The following ACOXL variants were observed in gnomAD, a reference collection of about 807,000 sequenced individuals.
The protein encoded by ACOXL is acyl-coenzyme A oxidase-like protein.
In ACOXL, 70 loss-of-function variants were observed where a neutral mutation model predicts 71.9. That is an observed-to-expected ratio of 0.97 (90% confidence interval 0.80 to 1.19). The LOEUF (loss-of-function observed/expected upper bound fraction) is 1.19, where lower values mean the gene tolerates loss of function less well. Ranked by LOEUF, ACOXL falls within the 50% of genes most tolerant of loss-of-function variation. The pLI is 0.00. For missense variants in ACOXL, 703 were observed against 736.3 expected (o/e 0.95, Z 0.52); for synonymous variants, 253 against 281.6 (o/e 0.90, Z 1.02).
chr2:110,883,952 A>G (rs560737190), intron 10 of ACOXL, among the ~76,000 whole-genome samples: 153 of 152,318 alleles, frequency 1.0e-3, no homozygotes, highest in African/African-American at 3.6e-3. Context: ...AAAAGTAGTT[A>G]ATTCATGTGA....
rs1190170969 is a variant in ACOXL at position 110,805,370 on chromosome 2, C to T, written c.728C>T (p.Ala243Val). ...AALTPSRLAVAFQAMGAMKLG... is the reference protein window; with the variant it reads ...AALTPSRLAVVFQAMGAMKLG... ...CTGACCCCTTCGAGATTAGCTGTGGCTTTCCAAGCTATGGGTGCCATGAAG... is the reference window on the plus strand; with the variant it reads ...CTGACCCCTTCGAGATTAGCTGTGGTTTTCCAAGCTATGGGTGCCATGAAG... Residue 243 changes from alanine (A) to valine (V), a missense_variant, in exon 9 of 18, where the codon GCT becomes GTT. By Grantham distance (64) the Ala-to-Val change is moderately conservative (BLOSUM62 0). Coordinates refer to ENST00000439055, the MANE Select transcript of ACOXL (RefSeq NM_001142807.4). The T allele has an allele frequency of 3.7e-6, 6 of 1,614,102 alleles. No homozygotes were observed. The highest frequency in any genetic ancestry group is 3.4e-6 in the Non-Finnish European group (4 of 1,180,042).
chr2:110,799,194 C>A, intron 7 of ACOXL, 94 bp downstream of exon 7: 1 of 1,306,766 alleles, frequency 7.7e-7, no homozygotes, highest in Non-Finnish European at 1.1e-6. Context: ...ATTACCGAAG[C>A]ACTGAGGGTG....
chr2:110,757,908 C>A (rs74854938), intron 1 of ACOXL, among the ~76,000 whole-genome samples: 1 of 151,992 alleles, frequency 6.6e-6, no homozygotes, highest in Non-Finnish European at 1.5e-5. Context: ...AGATCCGATT[C>A]GTCAATTTTT....
intron 17 of ACOXL, among the ~76,000 whole-genome samples, chr2:111,107,029 G>T (rs775487936): frequency 6.6e-6 from 1 of 152,190 alleles, no homozygotes; most frequent in Non-Finnish European, 1.5e-5. Context: ...TGAGGTGGAG[G>T]TACCAGCTCC....
At chr2:110,944,297 A>C (rs1318752463) in intron 12 of ACOXL, among the ~76,000 whole-genome samples, 2 of 150,512 alleles carry the variant, frequency 1.3e-5, no homozygotes, top group East Asian at 1.9e-4. Context: ...CAAGTCATCC[A>C]CCTGCTTCAG....
At position 110,794,132 on chromosome 2, in the gene ACOXL, G is replaced by A. The variant is rs1237145777; in HGVS notation, c.303G>A (p.Ala101=). The part of the protein sequence containing the change: ...AMTERGHGSN[A]RGIQTEATFD... ...CCGAGAGGGGCCATGGGAGCAACGC[G>A]AGAGGGATCCAGACCGAAGCCACCT... Residue 101 remains alanine (A), a synonymous_variant, in exon 5 of 18, where the codon GCG becomes GCA. Coordinates refer to ENST00000439055, the MANE Select transcript of ACOXL (RefSeq NM_001142807.4). 4.3e-6 allele frequency: 7 copies of A among 1,614,162 alleles called. No homozygotes were observed. The highest frequency in any genetic ancestry group is 1.1e-5 in the South Asian group (1 of 91,070).
intron 16 of ACOXL, among the ~76,000 whole-genome samples, chr2:111,084,995 A>G (rs755578152): frequency 6.6e-6 from 1 of 152,198 alleles, no homozygotes; most frequent in Non-Finnish European, 1.5e-5. Context: ...GACATTACAC[A>G]ATGATAAATG....
rs773526610 is a variant in ACOXL, at chr2:110,913,651, AG to A, written c.905+4748del. On this transcript the variant is annotated intron_variant, in intron 11 of 17. Coordinates refer to ENST00000439055, the MANE Select transcript of ACOXL (RefSeq NM_001142807.4). ...TTGCATTGCTCTGAAGAAATACCTG[AG>A]GCTGGGTAATTAATGAAGAAAAGAG... is the stretch of plus-strand genomic sequence containing the variant. Among the ~76,000 whole-genome samples the A allele has an allele frequency of 9.2e-5, 14 of 152,302 alleles. No homozygotes were observed. In the East Asian group the frequency reaches 2.5e-3, roughly 27 times the overall value.
chr2:110,768,940 C>T (rs889763905), intron 2 of ACOXL, among the ~76,000 whole-genome samples: 1 of 151,890 alleles, frequency 6.6e-6, no homozygotes, highest in African/African-American at 2.4e-5. Flanking sequence ...CCTCAGGCCC[C>T]TTTTCTGCCC....
intron 1 of ACOXL, among the ~76,000 whole-genome samples, chr2:110,755,354 T>C (rs1573355583): frequency 6.6e-6 from 1 of 152,174 alleles, no homozygotes; most frequent in African/African-American, 2.4e-5. Context: ...AGAGAAATTA[T>C]AGCTGAGAAC....
rs754098158 is a variant in ACOXL, at chr2:111,118,141, C to T, written c.*325C>T. ...TCCCCGCTGCGAGCGCGCCCCACAG[C>T]CGGGTGCCGCCAAAGGTCTCCTGCT... On this transcript the variant is annotated 3_prime_UTR_variant, in exon 18 of 18. Coordinates refer to ENST00000439055, the MANE Select transcript of ACOXL (RefSeq NM_001142807.4). The T allele has an allele frequency of 4.4e-6, 2 of 458,166 alleles. No homozygotes were observed. The allele number at this position is 458,166 out of a possible 1,614,324, so 28.4% of individuals were successfully genotyped here. A position where few individuals can be genotyped will look rare whatever the true frequency, so the allele number is the denominator to read the frequency against.
intron 2 of ACOXL, among the ~76,000 whole-genome samples, chr2:110,783,631 GCA>G (rs928294448): frequency 6.6e-5 from 10 of 151,762 alleles, no homozygotes; most frequent in Non-Finnish European, 1.2e-4. Context: ...ACACACACTT[GCA>G]CACACACGTG....
chr2:110,906,746 A>G (rs1306583792), intron 10 of ACOXL, among the ~76,000 whole-genome samples: 3 of 152,160 alleles, frequency 2.0e-5, no homozygotes, highest in South Asian at 2.1e-4. Flanking sequence ...CTCTCTCTGC[A>G]CGTGCCGCCT....
intron 16 of ACOXL, among the ~76,000 whole-genome samples, chr2:111,070,022 GC>G (rs1003185084): frequency 1.3e-5 from 2 of 152,124 alleles, no homozygotes; most frequent in Non-Finnish European, 2.9e-5. Context: ...CCGTCGGCCT[GC>G]CCTCAGGACT....
chr2:110,967,687 A>G, intron 12 of ACOXL: 1 of 377,816 alleles, frequency 2.6e-6, no homozygotes, highest in East Asian at 4.7e-5. Flanking sequence ...ATCAACAATT[A>G]TAGTTGGATA....
chr2:110,941,068 C>T (rs528114619), intron 12 of ACOXL, among the ~76,000 whole-genome samples: 1 of 152,266 alleles, frequency 6.6e-6, no homozygotes, highest in Non-Finnish European at 1.5e-5. Context: ...ACAATATGAT[C>T]GTTAAATGAA....
rs1478461382 is a variant in ACOXL, at chr2:111,118,013, C to T, written c.*197C>T. The T allele has an allele frequency of 1.5e-6, 1 of 659,618 alleles. No homozygotes were observed. The highest frequency in any genetic ancestry group is 2.5e-6 in the Non-Finnish European group (1 of 392,892). 40.9% of individuals were successfully genotyped at this position (659,618 alleles called of 1,614,324 possible). ...GCTAGGAAAGAGATCCAGACGGTCG[C>T]CTGGTGCGCTGGATCCCTGTGCCCT... On this transcript the variant is annotated 3_prime_UTR_variant, in exon 18 of 18. Coordinates refer to ENST00000439055, the MANE Select transcript of ACOXL (RefSeq NM_001142807.4).
At chr2:111,102,969 G>A (rs1236729245) in intron 17 of ACOXL, among the ~76,000 whole-genome samples, 2 of 152,116 alleles carry the variant, frequency 1.3e-5, no homozygotes, top group Non-Finnish European at 2.9e-5. Context: ...GGGACTCAAA[G>A]TGTTTGGTAC....
intron 17 of ACOXL, among the ~76,000 whole-genome samples, chr2:111,103,559 G>A (rs1463478141): frequency 6.6e-6 from 1 of 152,146 alleles, no homozygotes; most frequent in Admixed American, 6.5e-5. Context: ...CAGTTCAGGT[G>A]TATGACTTTT....
Sources: allele counts gnomAD v4.1 joint callset (sites outside exome capture counted in the v4.1 genomes callset), GRCh38; gene constraint gnomAD v4.1.1; transcripts MANE v1.5; gene names NCBI Gene and HGNC (gene_info 2026-07-23, HGNC 2026-07-21).